Variants in BRCC3 observed in about 807,000 individuals in gnomAD.
BRCC3 encodes BRCA1/BRCA2-containing complex subunit 3, also known as lys-63-specific deubiquitinase BRCC36.
In BRCC3, 15 loss-of-function variants were observed where a neutral mutation model predicts 28.0. The ratio of observed to expected loss-of-function variants is 0.54; its 90% CI spans 0.36 to 0.82. BRCC3 has a LOEUF of 0.82. Among genes scored for constraint, BRCC3 ranks in the 40% least tolerant of loss-of-function variants. The pLI is 0.01. For missense variants in BRCC3, 109 were observed against 225.9 expected (o/e 0.48, Z 3.32); for synonymous variants, 66 against 80.3 (o/e 0.82, Z 0.95).
chrX:155,116,844 G>C (rs1557298874), intron 9 of BRCC3, 90 bp downstream of exon 9: 1 of 638,074 alleles, frequency 1.6e-6, no homozygotes, highest in Non-Finnish European at 2.5e-6. Flanking sequence ...TTAAGTGAGT[G>C]AAGTGATGGG....
intron 10 of BRCC3, among the ~76,000 whole-genome samples, chrX:155,120,849 T>A (rs2074384783): frequency 8.9e-6 from 1 of 111,931 alleles, no homozygotes; most frequent in Admixed American, 9.4e-5. Flanking sequence ...AAATCATGCT[T>A]TAAAAAGTTT....
intron 9 of BRCC3, among the ~76,000 whole-genome samples, chrX:155,119,297 A>G (rs781986268): frequency 3.6e-5 from 4 of 112,094 alleles, no homozygotes; most frequent in East Asian, 2.8e-4. Context: ...TAAAGTGTAC[A>G]TGTACTTAGA....
At chrX:155,098,393 G>A (rs782033815) in intron 7 of BRCC3, among the ~76,000 whole-genome samples, 1 of 112,214 alleles carries the variant, frequency 8.9e-6, no homozygotes, top group Admixed American at 9.4e-5. Context: ...ACTTGAGGGA[G>A]GGACTAGTAT....
rs189563702 is a variant in BRCC3, at chrX:155,093,135, T to C, written c.548+2296T>C. 3.6e-5 allele frequency among the ~76,000 whole-genome samples: 4 copies of C among 111,066 alleles called. No homozygotes were observed. In the East Asian group the frequency reaches 1.1e-3, roughly 31 times the overall value. ...TATGATTTTCTAACTATGATATAGTTAGAATGTGGATATTTTATTCAAACT... is the reference window on the plus strand; with the variant it reads ...TATGATTTTCTAACTATGATATAGTCAGAATGTGGATATTTTATTCAAACT... On this transcript the variant is annotated intron_variant, in intron 7 of 10. Transcript: ENST00000330045.
chrX:155,099,652 C>T (rs782676112), intron 7 of BRCC3, among the ~76,000 whole-genome samples: 25 of 111,938 alleles, frequency 2.2e-4, no homozygotes, highest in Non-Finnish European at 3.9e-4. Context: ...TGCCACTGCC[C>T]GTTATGTATT....
At chrX:155,073,216 A>G (rs782662217) in intron 2 of BRCC3, among the ~76,000 whole-genome samples, 161 bp from the exon 3 acceptor site, 12 of 112,385 alleles carry the variant, frequency 1.1e-4, no homozygotes, top group Non-Finnish European at 1.5e-4. Flanking sequence ...ATTGCTTCTA[A>G]CAGATAGAGT....
chrX:155,103,536 A>G (rs1311823428), intron 7 of BRCC3, among the ~76,000 whole-genome samples: 1 of 111,563 alleles, frequency 9.0e-6, no homozygotes, highest in Non-Finnish European at 1.9e-5. Context: ...ACCTTTGTCT[A>G]CTCTACTTAA....
chrX:155,074,566 A>T (rs1302170751), intron 3 of BRCC3, among the ~76,000 whole-genome samples: 6 of 111,659 alleles, frequency 5.4e-5, no homozygotes, highest in African/African-American at 2.0e-4. Flanking sequence ...AATATTACTC[A>T]TTCCTCTTAG....
Position 155,120,127 on chromosome X carries a change from C to T in BRCC3, c.853C>T (p.Gln285Ter). ...ELQQEKEELM[Q>*]ELSSLE Reference sequence around the variant, plus strand: ...ACAACAAGAAAAGGAAGAGCTTATGCAAGAACTTTCTTCTCTAGAATAAAT... The same window carrying T: ...ACAACAAGAAAAGGAAGAGCTTATGTAAGAACTTTCTTCTCTAGAATAAAT... The change falls in exon 10 of 11, where the codon CAA (glutamine) becomes TAA (stop). Residue 285 changes from glutamine (Q) to a stop codon, truncating the protein, a stop_gained. Transcript: ENST00000330045. LOFTEE classifies it high-confidence loss of function. 1.7e-6 allele frequency: 2 copies of T among 1,207,876 alleles called. No homozygotes were observed. The highest frequency in any genetic ancestry group is 1.1e-6 in the Non-Finnish European group (1 of 893,444).
intron 5 of BRCC3, among the ~76,000 whole-genome samples, chrX:155,082,832 T>C (rs1263481939): frequency 8.9e-6 from 1 of 112,544 alleles, no homozygotes; most frequent in Non-Finnish European, 1.9e-5. Flanking sequence ...CAATACAGGA[T>C]CCAATCTCAG....
intron 7 of BRCC3, among the ~76,000 whole-genome samples, chrX:155,097,621 T>A (rs1557296404): frequency 8.9e-6 from 1 of 111,854 alleles, no homozygotes; most frequent in African/African-American, 3.3e-5. Context: ...AAATAACAAG[T>A]GTTGGCAAAG....
At chrX:155,098,114 A>T (rs1248276514) in intron 7 of BRCC3, among the ~76,000 whole-genome samples, 1 of 112,013 alleles carries the variant, frequency 8.9e-6, no homozygotes, top group Non-Finnish European at 1.9e-5. Context: ...TTTTCTTTGC[A>T]TTTTATTGTT....
intron 7 of BRCC3, among the ~76,000 whole-genome samples, chrX:155,092,107 C>T (rs1271422287): frequency 9.0e-6 from 1 of 111,511 alleles, no homozygotes; most frequent in Non-Finnish European, 1.9e-5. Context: ...AAATAATATA[C>T]TTATGATGTT....
At chrX:155,087,616 G>A (rs1189724969) in intron 5 of BRCC3, among the ~76,000 whole-genome samples, 1 of 111,700 alleles carries the variant, frequency 9.0e-6, no homozygotes, top group African/African-American at 3.3e-5. Flanking sequence ...GAGATAAAAG[G>A]ACTGAACACT....
chrX:155,084,402 G>A lies in BRCC3; in HGVS notation c.404-4861G>A, dbSNP rs891589353. Among the ~76,000 whole-genome samples the A allele has an allele frequency of 2.7e-5, 3 of 110,248 alleles. No individual in the cohort carries two copies. The South Asian group carries it at 1.2e-3, about 43-fold the overall frequency. ...TTTTGAGACAGAGTCTGGCTCTGTCGCCCAGGCTGGAGTGCAGTGGCACGA... is the reference window on the plus strand; with the variant it reads ...TTTTGAGACAGAGTCTGGCTCTGTCACCCAGGCTGGAGTGCAGTGGCACGA... On this transcript the variant is annotated intron_variant, in intron 5 of 10. Coordinates refer to ENST00000330045, the MANE Select transcript of BRCC3 (RefSeq NM_001018055.3).
intron 5 of BRCC3, among the ~76,000 whole-genome samples, chrX:155,087,098 A>G (rs782738327): frequency 8.9e-6 from 1 of 111,781 alleles, no homozygotes; most frequent in Non-Finnish European, 1.9e-5. Flanking sequence ...TGAGATGAGA[A>G]TAAGTGTCCA....
intron 5 of BRCC3, among the ~76,000 whole-genome samples, chrX:155,085,108 AT>A: frequency 8.9e-6 from 1 of 112,470 alleles, no homozygotes; most frequent in Middle Eastern, 4.6e-3. Flanking sequence ...TCACAGGAAC[AT>A]TTTCACCACG....
chrX:155,100,836 A>T (rs1362464129), intron 7 of BRCC3, among the ~76,000 whole-genome samples: 1 of 111,979 alleles, frequency 8.9e-6, no homozygotes, highest in African/African-American at 3.3e-5. Flanking sequence ...AAAACTGCAT[A>T]CAGGGTGAAC....
intron 3 of BRCC3, among the ~76,000 whole-genome samples, chrX:155,075,547 G>T (rs973184180): frequency 1.8e-4 from 20 of 111,445 alleles, no homozygotes; most frequent in African/African-American, 6.2e-4. Flanking sequence ...TCTAAACTTA[G>T]ATCTGCCTCA....
Sources: allele counts gnomAD v4.1 joint callset (sites outside exome capture counted in the v4.1 genomes callset), GRCh38; gene constraint gnomAD v4.1.1; transcripts MANE v1.5; gene names NCBI Gene and HGNC (gene_info 2026-07-23, HGNC 2026-07-21).